UBXN2A: variants seen among roughly 807,000 people sequenced by gnomAD.
UBXN2A encodes UBX domain-containing protein 2A.
A neutral mutation model predicts 28.4 loss-of-function variants in UBXN2A; 28 were observed. That is an observed-to-expected ratio of 0.99 (90% CI 0.73 to 1.35). The LOEUF is 1.35. Among genes scored for constraint, UBXN2A ranks in the 40% most tolerant of loss-of-function variants. UBXN2A has a pLI of 0.00. For synonymous variants in UBXN2A, 97 were observed against 103.6 expected (o/e 0.94, Z 0.39); for missense variants, 253 against 297.9 (o/e 0.85, Z 1.11).
chr2:23,967,092 C>A (rs1707212901), intron 2 of UBXN2A, among the ~76,000 whole-genome samples: 1 of 151,484 alleles, frequency 6.6e-6, no homozygotes, highest in South Asian at 2.1e-4. Flanking sequence ...TACGATACAT[C>A]TCTACTCTAC....
At chr2:23,942,754 G>C (rs55854582) in intron 1 of UBXN2A, among the ~76,000 whole-genome samples, 11,957 of 151,852 alleles carry the variant, frequency 0.079, 604 homozygotes, top group South Asian at 0.12. Flanking sequence ...AAGGATTTGG[G>C]ACCAGCTTTT....
At chr2:23,951,926 C>T (rs1048011245) in intron 1 of UBXN2A, among the ~76,000 whole-genome samples, 1 of 150,460 alleles carries the variant, frequency 6.6e-6, no homozygotes, top group Non-Finnish European at 1.5e-5. Flanking sequence ...TATGAGAAAA[C>T]GTTAATGGGC....
Position 24,003,469 on chromosome 2 carries a change from T to C in UBXN2A, c.*3602T>C, listed in dbSNP as rs898902748. ...AACAACAGGGAAATATCTATGTAAC[T>C]AGATGACCTGACATAAAATCTATCT... On this transcript the variant is annotated 3_prime_UTR_variant, in exon 7 of 7. Coordinates refer to ENST00000309033, the MANE Select transcript of UBXN2A (RefSeq NM_181713.4). 4 of 152,122 alleles carry C rather than the reference T, an allele frequency of 2.6e-5. No individual in the cohort carries two copies. Among genetic ancestry groups the C allele is most frequent in the Non-Finnish European group, 4.4e-5 (3 of 68,014 alleles). 9.4% of individuals were successfully genotyped at this position (152,122 alleles called of 1,614,324 possible). A position where few individuals can be genotyped will look rare whatever the true frequency, so the allele number is the denominator to read the frequency against.
chr2:23,933,809 C>G (rs921232422), intron 1 of UBXN2A, among the ~76,000 whole-genome samples: 2 of 152,150 alleles, frequency 1.3e-5, no homozygotes, highest in Non-Finnish European at 2.9e-5. Flanking sequence ...ATAGGGAGGC[C>G]ATCAATGAAG....
rs55665209 is a variant in UBXN2A at position 23,981,476 on chromosome 2, T to TAAAA, written c.288-1392_288-1389dup. 3.6e-3 allele frequency among the ~76,000 whole-genome samples: 104 copies of TAAAA among 28,942 alleles called. 2 individuals carry two copies. Among genetic ancestry groups the TAAAA allele is most frequent in the Middle Eastern group, 0.031 (1 of 32 alleles). The allele number at this position is 28,942 out of a possible 152,430, so 19.0% of individuals were successfully genotyped here. A position where few individuals can be genotyped will look rare whatever the true frequency, so the allele number is the denominator to read the frequency against. On this transcript the variant is annotated intron_variant, in intron 4 of 6. Coordinates refer to ENST00000309033, the MANE Select transcript of UBXN2A (RefSeq NM_181713.4). ...CTGGGCAACAGAGTGAGCTCCTATCTAAAAAAAAAAAAAAAAAAAAAAAAA... is the reference window on the plus strand; with the variant it reads ...CTGGGCAACAGAGTGAGCTCCTATCTAAAAAAAAAAAAAAAAAAAAAAAAAAAAA...
chr2:23,975,589 G>A (rs1009337202), intron 3 of UBXN2A, among the ~76,000 whole-genome samples: 2 of 151,988 alleles, frequency 1.3e-5, no homozygotes, highest in African/African-American at 2.4e-5. Flanking sequence ...GTTGAAAAAA[G>A]GCTTATGTTA....
chr2:23,936,835 C>T (rs545181972), upstream of UBXN2A, among the ~76,000 whole-genome samples: 2 of 151,634 alleles, frequency 1.3e-5, no homozygotes, highest in South Asian at 2.1e-4. Flanking sequence ...CTCAGCCTCC[C>T]GAGTAGCTGG....
At chr2:23,946,703 G>T (rs1381344159) in intron 1 of UBXN2A, among the ~76,000 whole-genome samples, 1 of 152,072 alleles carries the variant, frequency 6.6e-6, no homozygotes, top group African/African-American at 2.4e-5. Flanking sequence ...TGGTCCACCT[G>T]CCTCAGCCTC....
intron 1 of UBXN2A, among the ~76,000 whole-genome samples, chr2:23,929,279 T>G (rs879717952): frequency 1.3e-5 from 2 of 152,014 alleles, no homozygotes; most frequent in African/African-American, 2.4e-5. Flanking sequence ...GTGGTGCCTG[T>G]GGTCCCAGCC....
chr2:23,973,305 C>G (rs1707498851), intron 3 of UBXN2A, among the ~76,000 whole-genome samples: 1 of 151,050 alleles, frequency 6.6e-6, no homozygotes, highest in South Asian at 2.1e-4. Flanking sequence ...AAGCGTGAGC[C>G]ACCGCACCTG....
chr2:23,981,888 A>C (rs564494562), intron 4 of UBXN2A, among the ~76,000 whole-genome samples: 2 of 152,274 alleles, frequency 1.3e-5, no homozygotes, highest in East Asian at 3.9e-4. Context: ...ACCCTGTCCC[A>C]AAAACAAGAA....
At chr2:23,967,393 A>T (rs4665251) in intron 2 of UBXN2A, among the ~76,000 whole-genome samples, 1 of 151,978 alleles carries the variant, frequency 6.6e-6, no homozygotes, top group African/African-American at 2.4e-5. Context: ...CAGAAGAAAC[A>T]GTTAAATACC....
intron 1 of UBXN2A, among the ~76,000 whole-genome samples, chr2:23,929,410 A>G (rs573425247): frequency 6.7e-6 from 1 of 149,786 alleles, no homozygotes; most frequent in Admixed American, 6.7e-5. Flanking sequence ...TCAAAAAAAT[A>G]TTTAAAAAAA....
intron 2 of UBXN2A, among the ~76,000 whole-genome samples, chr2:23,970,951 G>A (rs534007557): frequency 7.9e-5 from 12 of 152,204 alleles, no homozygotes; most frequent in South Asian, 2.1e-4. Context: ...TTGCTTGTTC[G>A]CCTGTCACTC....
intron 6 of UBXN2A, chr2:23,997,148 C>T (rs1167455672): frequency 6.6e-6 from 1 of 152,116 alleles, no homozygotes; most frequent in Non-Finnish European, 1.5e-5. Context: ...TCTGGAATTC[C>T]TGGGCTCAAG....
intron 1 of UBXN2A, among the ~76,000 whole-genome samples, chr2:23,950,696 G>A (rs1194006899): frequency 6.6e-6 from 1 of 151,328 alleles, no homozygotes; most frequent in Non-Finnish European, 1.5e-5. Flanking sequence ...GAGCCTCTGC[G>A]CCTGGCCTAT....
chr2:23,967,587 C>T (rs994957313), intron 2 of UBXN2A, among the ~76,000 whole-genome samples: 1 of 152,122 alleles, frequency 6.6e-6, no homozygotes, highest in African/African-American at 2.4e-5. Flanking sequence ...AAGCAAATCA[C>T]ATAGAAGTTA....
intron 6 of UBXN2A, among the ~76,000 whole-genome samples, chr2:23,997,730 GC>G (rs2150923862): frequency 6.6e-6 from 1 of 152,036 alleles, no homozygotes; most frequent in South Asian, 2.1e-4. Context: ...ACAGGTGTGA[GC>G]CACCGTACCC....
chr2:23,974,070 A>C (rs1458380136), intron 3 of UBXN2A, among the ~76,000 whole-genome samples: 1 of 144,014 alleles, frequency 6.9e-6, no homozygotes, highest in Non-Finnish European at 1.5e-5. Flanking sequence ...GCTGGAGTGC[A>C]GTGGTGCGAT....
Sources: allele counts gnomAD v4.1 joint callset (sites outside exome capture counted in the v4.1 genomes callset), GRCh38; gene constraint gnomAD v4.1.1; transcripts MANE v1.5; gene names NCBI Gene and HGNC (gene_info 2026-07-23, HGNC 2026-07-21).